The following STARD9 variants were observed in gnomAD, a reference collection of about 807,000 sequenced individuals.
The protein encoded by STARD9 is stAR-related lipid transfer protein 9.
Under a neutral mutation model 399.8 loss-of-function variants are expected in STARD9, and 346 were observed. That is an observed-to-expected ratio of 0.87 (90% CI 0.79 to 0.95). The LOEUF (loss-of-function observed/expected upper bound fraction) is 0.95, where lower values mean the gene tolerates loss of function less well. STARD9 is among the 40% of genes least tolerant of loss of function. The pLI is 0.00. For synonymous variants in STARD9, 2,203 were observed against 2,143.5 expected, an observed-to-expected ratio of 1.03 and a Z score of -0.77; for missense variants, 5,832 against 5,667.5, an observed-to-expected ratio of 1.03 and a Z score of -0.93.
chr15:42,717,183 C>T, intron 28 of STARD9, 135 bp downstream of exon 28: 1 of 1,010,560 alleles, frequency 9.9e-7, no homozygotes, highest in Non-Finnish European at 1.4e-6. Context: ...GGTTCTTCAT[C>T]TTGAGAAAAG....
At chr15:42,582,752 T>C (rs945032354) in intron 1 of STARD9, among the ~76,000 whole-genome samples, 2 of 152,152 alleles carry the variant, frequency 1.3e-5, no homozygotes, top group African/African-American at 4.8e-5. Context: ...GGGTGCAGCA[T>C]CGTGATCATA....
chr15:42,713,708 G>A (rs1178296337), intron 26 of STARD9, among the ~76,000 whole-genome samples: 1 of 151,884 alleles, frequency 6.6e-6, no homozygotes, highest in South Asian at 2.1e-4. Flanking sequence ...TTTGTATGTC[G>A]AGCCAGCCCT....
chr15:42,646,231 C>G (rs1000357952), intron 7 of STARD9, among the ~76,000 whole-genome samples: 1 of 152,000 alleles, frequency 6.6e-6, no homozygotes, highest in Non-Finnish European at 1.5e-5. Flanking sequence ...TGCATTAGCC[C>G]CTAACAGGAG....
At chr15:42,581,297 A>G in intron 1 of STARD9, 1 of 1,155,128 alleles carries the variant, frequency 8.7e-7, no homozygotes, top group Non-Finnish European at 1.3e-6. Context: ...CCATGGAAGA[A>G]CTGCGAAGAT....
chr15:42,636,508 G>C (rs1595682330), intron 4 of STARD9, among the ~76,000 whole-genome samples: 1 of 152,316 alleles, frequency 6.6e-6, no homozygotes, highest in East Asian at 1.9e-4. Context: ...TTGAACCCAG[G>C]AGGGAGAGGT....
intron 7 of STARD9, among the ~76,000 whole-genome samples, chr15:42,643,495 C>G (rs1420844451): frequency 6.6e-6 from 1 of 150,856 alleles, no homozygotes; most frequent in African/African-American, 2.4e-5. Flanking sequence ...TGTGCCCGGC[C>G]CCTCGTTCTT....
chr15:42,627,836 C>T (rs773925790), intron 3 of STARD9, among the ~76,000 whole-genome samples: 15 of 152,184 alleles, frequency 9.9e-5, no homozygotes, highest in Non-Finnish European at 2.1e-4. Context: ...TCTTGATGGA[C>T]ATTTAGGTTG....
chr15:42,693,935 T>G lies in STARD9; in HGVS notation c.12357T>G (p.Ser4119Arg). 1 of 1,505,970 alleles carries G rather than the reference T, an allele frequency of 6.6e-7. No individual in the cohort carries two copies. The highest frequency in any genetic ancestry group is 8.8e-7 in the Non-Finnish European group (1 of 1,129,956). 93.3% of individuals were successfully genotyped at this position (1,505,970 alleles called of 1,614,324 possible). The change falls in exon 23 of 33, where the codon AGT (serine) becomes AGG (arginine). Residue 4119 changes from serine (S) to arginine (R), a missense_variant. Transcript: ENST00000290607. ...AACCTGAGGAGTTACTGTGCTTCAGTTGCCAGATGTGCATGGCCCCTGAGC... is the reference window on the plus strand; with the variant it reads ...AACCTGAGGAGTTACTGTGCTTCAGGTGCCAGATGTGCATGGCCCCTGAGC... ...ACQPEELLCFSCQMCMAPEHQ... is the reference protein window; with the variant it reads ...ACQPEELLCFRCQMCMAPEHQ...
chr15:42,707,764 A>C (rs1408753949), intron 26 of STARD9, among the ~76,000 whole-genome samples: 6 of 152,194 alleles, frequency 3.9e-5, no homozygotes, highest in Non-Finnish European at 8.8e-5. Context: ...CATATACAGT[A>C]TATAAATACA....
chr15:42,628,245 TA>T (rs1173690167), intron 3 of STARD9, among the ~76,000 whole-genome samples: 2 of 152,244 alleles, frequency 1.3e-5, no homozygotes, highest in African/African-American at 4.8e-5. Flanking sequence ...GAGAAGTGTT[TA>T]TTCAGATCTT....
rs3742993 is a variant in STARD9 at position 42,691,725 on chromosome 15, A to C, written c.10147A>C (p.Asn3383His). 6.5e-7 allele frequency: 1 copy of C among 1,536,940 alleles called. No homozygotes were observed. Among genetic ancestry groups the C allele is most frequent in the African/African-American group, 1.4e-5 (1 of 72,976 alleles). Reference sequence around the variant, plus strand: ...AACATCTCTGCAGGCTGAGGACAGCAATCAGAAAGCCTCATCTCGCTTGGA... The same window carrying C: ...AACATCTCTGCAGGCTGAGGACAGCCATCAGAAAGCCTCATCTCGCTTGGA... ...ARTSLQAEDSNQKASSRLDDG... is the reference protein window; with the variant it reads ...ARTSLQAEDSHQKASSRLDDG... Residue 3383 changes from asparagine to histidine, a missense_variant, in exon 23 of 33, where the codon AAT (asparagine) becomes CAT (histidine). Physicochemically the swap from Asn to His is moderately conservative, Grantham distance 68. Around this residue, in one of 2 missense-constraint regions of STARD9, gnomAD observed 5,828 missense variants for 5,651.1 expected, o/e 1.03. Transcript: ENST00000290607.
chr15:42,703,617 C>G (rs1461451153), intron 26 of STARD9, among the ~76,000 whole-genome samples: 1 of 151,602 alleles, frequency 6.6e-6, no homozygotes, highest in Non-Finnish European at 1.5e-5. Flanking sequence ...TCATGATCCA[C>G]CCACCTCGGC....
intron 3 of STARD9, among the ~76,000 whole-genome samples, chr15:42,607,649 T>TAC (rs1486459511): frequency 3.7e-5 from 3 of 81,344 alleles, no homozygotes; most frequent in Non-Finnish European, 7.3e-5. Context: ...CACACACACT[T>TAC]ATACACACAC....
At position 42,692,675 on chromosome 15, in the gene STARD9, C is replaced by T; in HGVS notation, c.11097C>T (p.Ser3699=). ...HSTSELLGSL[S]QPDVARREQN... is the part of the protein sequence containing the mutation. The stretch of plus-strand genomic sequence containing the variant: ...CCTCAGAGCTGCTTGGGAGTCTCTC[C>T]CAGCCAGATGTGGCCAGAAGGGAGC... Residue 3699 remains serine (S), a synonymous_variant, in exon 23 of 33, where the codon TCC becomes TCT. Coordinates refer to ENST00000290607, the MANE Select transcript of STARD9 (RefSeq NM_020759.3). 2 of 1,537,188 alleles carry T rather than the reference C, an allele frequency of 1.3e-6. No individual in the cohort carries two copies. The highest frequency in any genetic ancestry group is 1.7e-6 in the Non-Finnish European group (2 of 1,146,902).
At chr15:42,599,113 AG>A (rs1471332445) in intron 3 of STARD9, among the ~76,000 whole-genome samples, 6 of 152,076 alleles carry the variant, frequency 3.9e-5, no homozygotes, top group African/African-American at 1.4e-4. Flanking sequence ...TAGTAGAATC[AG>A]GGTTTCACCA....
At position 42,689,915 on chromosome 15, in the gene STARD9, C is replaced by T. The variant is rs530613898; in HGVS notation, c.8337C>T (p.Ser2779=). 77 of 1,537,694 alleles carry T rather than the reference C, an allele frequency of 5.0e-5. 1 individual carries two copies. In the South Asian group the frequency reaches 8.6e-4, roughly 17 times the overall value. The part of the protein sequence containing the change: ...AEGIPPGSQD[S]SPEHQEPRTL... ...GCATACCCCCTGGCAGTCAGGACAGCAGCCCAGAGCATCAGGAACCCAGAA... is the reference window on the plus strand; with the variant it reads ...GCATACCCCCTGGCAGTCAGGACAGTAGCCCAGAGCATCAGGAACCCAGAA... The change falls in exon 23 of 33, where the codon AGC becomes AGT. Residue 2779 remains serine, a synonymous_variant. Coordinates refer to ENST00000290607, the MANE Select transcript of STARD9 (RefSeq NM_020759.3).
intron 3 of STARD9, among the ~76,000 whole-genome samples, chr15:42,592,361 G>T (rs1158221672): frequency 3.9e-5 from 6 of 152,198 alleles, no homozygotes; most frequent in African/African-American, 1.4e-4. Context: ...TGAATGGGAT[G>T]TGGTTGGAGA....
intron 3 of STARD9, among the ~76,000 whole-genome samples, chr15:42,607,137 A>G (rs1392018789): frequency 7.2e-6 from 1 of 139,388 alleles, no homozygotes; most frequent in Non-Finnish European, 1.5e-5. Flanking sequence ...TCTGTGCACA[A>G]CCCTGTAACC....
chr15:42,593,880 GA>G (rs1396586118), intron 3 of STARD9, among the ~76,000 whole-genome samples: 3 of 151,716 alleles, frequency 2.0e-5, no homozygotes, highest in African/African-American at 7.3e-5. Context: ...GTGTTAGCCA[GA>G]ATGGTCTTGA....
Sources: gnomAD v4.1 joint callset for allele counts (sites outside exome capture counted in the v4.1 genomes callset) on GRCh38, gnomAD v4.1.1 for gene constraint, gnomAD v4.1.1 regional missense constraint, MANE v1.5 for transcripts, NCBI Gene and HGNC (gene_info 2026-07-23, HGNC 2026-07-21) for gene names.